LINGO2: variants seen among roughly 807,000 people sequenced by gnomAD.
The protein encoded by LINGO2 is leucine-rich repeat and immunoglobulin-like domain-containing nogo receptor-interacting protein 2.
A neutral mutation model predicts 30.6 loss-of-function variants in LINGO2; 14 were observed. The observed-to-expected ratio is 0.46, with a 90% confidence interval of 0.30 to 0.72. The LOEUF (loss-of-function observed/expected upper bound fraction) is 0.72, where lower values mean the gene tolerates loss of function less well. Ranked by LOEUF, LINGO2 falls within the 30% of genes least tolerant of loss-of-function variation. LINGO2 has a pLI of 0.07. For missense variants in LINGO2, 729 were observed against 751.7 expected (o/e 0.97, Z 0.35); for synonymous variants, 317 against 288.5 (o/e 1.10, Z -1.00).
At chr9:28,781,006 T>A in the LINGO2 span, among the ~76,000 whole-genome samples, 2 of 152,138 alleles carry the variant, frequency 1.3e-5, no homozygotes, top group Non-Finnish European at 2.9e-5. Context: ...AAGGTAATAC[T>A]AATAAGATTT....
the LINGO2 span, among the ~76,000 whole-genome samples, chr9:28,834,026 T>C: frequency 6.6e-6 from 1 of 152,082 alleles, no homozygotes; most frequent in African/African-American, 2.4e-5. Context: ...TGTTTCTTTT[T>C]TTTTTTTTCT....
intron 4 of LINGO2, among the ~76,000 whole-genome samples, chr9:28,231,210 G>T (rs1390524365): frequency 6.6e-6 from 1 of 151,852 alleles, no homozygotes; most frequent in African/African-American, 2.4e-5. Flanking sequence ...GTAAAGATAG[G>T]TAAGGATATT....
chr9:27,946,975 C>G (rs900093130), downstream of LINGO2, among the ~76,000 whole-genome samples: 2 of 152,036 alleles, frequency 1.3e-5, no homozygotes, highest in Non-Finnish European at 2.9e-5. Context: ...TTCAAATTTT[C>G]AAATTTCAAA....
chr9:28,511,866 C>G (rs1057077796), intron 1 of LINGO2, among the ~76,000 whole-genome samples: 27 of 152,142 alleles, frequency 1.8e-4, no homozygotes, highest in Admixed American at 1.6e-3. Context: ...CACTGTCCTT[C>G]AGCGATGTCC....
At chr9:29,128,658 AT>A in the LINGO2 span, among the ~76,000 whole-genome samples, 2 of 152,088 alleles carry the variant, frequency 1.3e-5, no homozygotes, top group Non-Finnish European at 2.9e-5. Flanking sequence ...TTTACCCAAA[AT>A]TTTGGTTCAC....
chr9:28,315,986 A>G (rs1278338242), intron 3 of LINGO2, among the ~76,000 whole-genome samples: 3 of 152,158 alleles, frequency 2.0e-5, no homozygotes, highest in African/African-American at 7.2e-5. Flanking sequence ...TCACTTACCT[A>G]TGTGATTGTT....
At chr9:29,189,976 T>C in the LINGO2 span, among the ~76,000 whole-genome samples, 1 of 137,654 alleles carries the variant, frequency 7.3e-6, no homozygotes, top group East Asian at 2.4e-4. Flanking sequence ...AGTCCAGCTT[T>C]GGCTGGGCAT....
the LINGO2 span, among the ~76,000 whole-genome samples, chr9:28,709,767 GT>G: frequency 6.6e-6 from 1 of 151,624 alleles, no homozygotes; most frequent in Admixed American, 6.6e-5. Context: ...TTAATTTGTA[GT>G]TATCTAGCTA....
At chr9:29,126,228 TG>T in the LINGO2 span, among the ~76,000 whole-genome samples, 1 of 151,792 alleles carries the variant, frequency 6.6e-6, no homozygotes, top group African/African-American at 2.4e-5. Flanking sequence ...AATATATAAT[TG>T]AGTAGCCAGA....
chr9:28,440,003 T>A (rs879908981), intron 2 of LINGO2, among the ~76,000 whole-genome samples: 3 of 152,162 alleles, frequency 2.0e-5, no homozygotes, highest in Admixed American at 1.3e-4. Flanking sequence ...TGGGCTGCTG[T>A]TAGACTCTGA....
chr9:29,020,414 A>G, the LINGO2 span, among the ~76,000 whole-genome samples: 1 of 152,248 alleles, frequency 6.6e-6, no homozygotes, highest in Non-Finnish European at 1.5e-5. Context: ...ACCCAGGTAT[A>G]ATGATTGCAT....
rs530430441 is a variant in LINGO2 at position 28,097,627 on chromosome 9, T to C, written c.-86-85222A>G. ...GCATATTCTCACTCATAGGTGGGAA[T>C]TGAACAATGAGATCACATGGACACA... On this transcript the variant is annotated intron_variant, in intron 4 of 5. Transcript: ENST00000379992. 1.6e-3 allele frequency among the ~76,000 whole-genome samples: 209 copies of C among 132,932 alleles called. 3 individuals are homozygous for C. Among genetic ancestry groups the C allele is most frequent in the African/African-American group, 5.5e-3 (195 of 35,256 alleles). 87.2% of individuals were successfully genotyped at this position (132,932 alleles called of 152,430 possible). A position where few individuals can be genotyped will look rare whatever the true frequency, so the allele number is the denominator to read the frequency against.
At chr9:28,685,502 A>C in the LINGO2 span, among the ~76,000 whole-genome samples, 4 of 152,180 alleles carry the variant, frequency 2.6e-5, no homozygotes, top group South Asian at 2.1e-4. Flanking sequence ...TCATAGAAAA[A>C]GATGTGTTTC....
the LINGO2 span, among the ~76,000 whole-genome samples, chr9:28,875,307 A>T: frequency 6.6e-6 from 1 of 152,024 alleles, no homozygotes; most frequent in Non-Finnish European, 1.5e-5. Flanking sequence ...ATGTGCGTGC[A>T]TGTCTGGGTT....
At chr9:29,202,577 C>G in the LINGO2 span, among the ~76,000 whole-genome samples, 1 of 151,994 alleles carries the variant, frequency 6.6e-6, no homozygotes, top group Non-Finnish European at 1.5e-5. Context: ...TTATCCTCCC[C>G]AACATGCAAA....
intron 1 of LINGO2, among the ~76,000 whole-genome samples, chr9:28,659,804 T>C (rs559848654): frequency 6.6e-6 from 1 of 152,166 alleles, no homozygotes; most frequent in East Asian, 1.9e-4. Flanking sequence ...TCGTAATAGG[T>C]TGAATGTAAC....
At chr9:29,011,442 C>T in the LINGO2 span, among the ~76,000 whole-genome samples, 10 of 152,176 alleles carry the variant, frequency 6.6e-5, no homozygotes, top group African/African-American at 2.2e-4. Context: ...AAGCCTAACT[C>T]AGTTTGCCTC....
the LINGO2 span, among the ~76,000 whole-genome samples, chr9:28,724,870 A>T: frequency 1.7e-4 from 26 of 152,264 alleles, no homozygotes; most frequent in South Asian, 5.4e-3. Flanking sequence ...AAATACTACA[A>T]GAAAGAAACA....
In LINGO2 at chr9:28,195,622, T is replaced by C. The variant is rs188510866; in HGVS notation, c.-87+99586A>G. 2.3e-4 allele frequency among the ~76,000 whole-genome samples: 35 copies of C among 151,478 alleles called. No homozygotes were observed. The East Asian group carries it at 6.4e-3, about 28-fold the overall frequency. ...GGGAACTTGGATGAAACAGATGATT[T>C]TCTAAGAAAATAATATTACCAGAAC... is the stretch of plus-strand genomic sequence containing the variant. On this transcript the variant is annotated intron_variant, in intron 4 of 5. Transcript: ENST00000379992.
Sources: allele counts gnomAD v4.1 joint callset (sites outside exome capture counted in the v4.1 genomes callset), GRCh38; gene constraint gnomAD v4.1.1; transcripts MANE v1.5; gene names NCBI Gene and HGNC (gene_info 2026-07-23, HGNC 2026-07-21).